Variants in NWD2 observed in about 807,000 individuals in gnomAD.
NWD2 encodes the protein NACHT and WD repeat domain containing 2, also known as NACHT and WD repeat domain-containing protein 2.
Under a neutral mutation model 132.7 loss-of-function variants are expected in NWD2, and 37 were observed. The observed-to-expected ratio is 0.28, with a 90% CI of 0.21 to 0.37. NWD2 has a LOEUF of 0.37. Ranked by LOEUF, NWD2 falls within the 10% of genes least tolerant of loss-of-function variation. The pLI, the probability that NWD2 is intolerant of heterozygous loss-of-function variation, is 1.00. For synonymous variants in NWD2, 705 were observed against 803.0 expected, an observed-to-expected ratio of 0.88 and a Z score of 2.06; for missense variants, 1,592 against 2,122.4, an observed-to-expected ratio of 0.75 and a Z score of 4.91.
intron 3 of NWD2, among the ~76,000 whole-genome samples, chr4:37,411,418 C>T (rs2109319221): frequency 6.6e-6 from 1 of 152,262 alleles, no homozygotes; most frequent in South Asian, 2.1e-4. Context: ...CATATACCCT[C>T]CCAAGTCTAA....
chr4:37,273,445 C>G (rs1315583544), intron 1 of NWD2, among the ~76,000 whole-genome samples: 1 of 151,980 alleles, frequency 6.6e-6, no homozygotes, highest in Non-Finnish European at 1.5e-5. Flanking sequence ...TCCTTAGAGA[C>G]CTACAAAGAG....
At chr4:37,262,255 A>G (rs1042899132) in intron 1 of NWD2, among the ~76,000 whole-genome samples, 8 of 152,202 alleles carry the variant, frequency 5.3e-5, no homozygotes, top group African/African-American at 1.7e-4. Flanking sequence ...GATTTTCACT[A>G]TTCATTTAAG....
chr4:37,290,453 C>T (rs769431669), intron 1 of NWD2, among the ~76,000 whole-genome samples: 15 of 152,170 alleles, frequency 9.9e-5, no homozygotes, highest in East Asian at 5.8e-4. Flanking sequence ...GTAAGTGTGA[C>T]GATATCACAG....
chr4:37,427,876 G>T (rs1402947313), intron 3 of NWD2, among the ~76,000 whole-genome samples: 1 of 152,178 alleles, frequency 6.6e-6, no homozygotes, highest in Non-Finnish European at 1.5e-5. Flanking sequence ...AAGGAATATA[G>T]CTGAATTGAG....
At chr4:37,418,562 A>C (rs2109321854) in intron 3 of NWD2, among the ~76,000 whole-genome samples, 1 of 152,152 alleles carries the variant, frequency 6.6e-6, no homozygotes, top group Middle Eastern at 3.4e-3. Context: ...GTCAACACTC[A>C]TAAACTATGT....
At position 37,446,294 on chromosome 4, in the gene NWD2, C is replaced by T; in HGVS notation, c.4306C>T (p.Leu1436=). The T allele has an allele frequency of 6.4e-7, 1 of 1,551,800 alleles. No homozygotes were observed. Among genetic ancestry groups the T allele is most frequent in the East Asian group, 2.4e-5 (1 of 40,916 alleles). ...CACAGGCCACAGGGTCTGCAACATT[C>T]TGACCACTTTGCAGAATGCCTTTAT... is the stretch of plus-strand genomic sequence containing the variant. The part of the protein sequence containing the change: ...LATGHRVCNI[L]TTLQNAFITS... Residue 1436 remains leucine, a synonymous_variant, in exon 7 of 7, where the codon CTG becomes TTG. Transcript: ENST00000309447. This position sits in a 1 kb window ranked among gnomAD's most constrained non-coding sequence, Gnocchi z 6.7.
In NWD2 at chr4:37,446,379, T is replaced by C. The variant is rs1304643669; in HGVS notation, c.4391T>C (p.Leu1464Pro). Residue 1464 changes from leucine to proline, a missense_variant, in exon 7 of 7, where the codon CTT (leucine) becomes CCT (proline). By Grantham distance (98) the Leu-to-Pro change is moderately conservative. Transcript: ENST00000309447. The surrounding 1 kb of genome is among the most constrained non-coding windows in gnomAD (Gnocchi z 6.7). ...MTKSKVLAVS[L>P]WTGSITKKFC... ...AAAAGCAAAGTGTTGGCAGTCAGTC[T>C]TTGGACAGGAAGTATCACCAAGAAA... 3 of 1,551,720 alleles carry C rather than the reference T, an allele frequency of 1.9e-6. No homozygotes were observed. Among genetic ancestry groups the C allele is most frequent in the Non-Finnish European group, 8.7e-7 (1 of 1,147,042 alleles).
intron 3 of NWD2, among the ~76,000 whole-genome samples, chr4:37,414,120 TAAA>T (rs1027261537): frequency 6.6e-6 from 1 of 150,942 alleles, no homozygotes; most frequent in Non-Finnish European, 1.5e-5. Context: ...TAAAGTATAA[TAAA>T]AAAAAGAAAA....
intron 3 of NWD2, among the ~76,000 whole-genome samples, chr4:37,357,066 TACTC>T (rs1327751597): frequency 6.6e-6 from 1 of 152,192 alleles, no homozygotes; most frequent in Non-Finnish European, 1.5e-5. Context: ...TTCTAAAGAA[TACTC>T]ACTCCTCTGT....
intron 1 of NWD2, among the ~76,000 whole-genome samples, chr4:37,247,055 C>T (rs1717257686): frequency 6.6e-6 from 1 of 152,182 alleles, no homozygotes; most frequent in African/African-American, 2.4e-5. Context: ...GAGGGAGGAG[C>T]CAGTCATGCC....
chr4:37,289,395 A>T (rs573100122), intron 1 of NWD2, among the ~76,000 whole-genome samples: 1 of 152,228 alleles, frequency 6.6e-6, no homozygotes, highest in South Asian at 2.1e-4. Flanking sequence ...GCAACATTTT[A>T]TGATAAAAAC....
chr4:37,294,058 A>AC (rs1159900622), intron 1 of NWD2, among the ~76,000 whole-genome samples: 1 of 152,024 alleles, frequency 6.6e-6, no homozygotes, highest in African/African-American at 2.4e-5. Flanking sequence ...GGAAGTCCCC[A>AC]CCCCCCTACT....
At chr4:37,441,762 G>A (rs1712491669) in intron 6 of NWD2, among the ~76,000 whole-genome samples, 1 of 152,140 alleles carries the variant, frequency 6.6e-6, no homozygotes. Flanking sequence ...TTCTCCTGGG[G>A]AATGTCTGAC....
intron 2 of NWD2, among the ~76,000 whole-genome samples, chr4:37,355,599 A>T (rs1030896003): frequency 6.6e-6 from 1 of 152,232 alleles, no homozygotes; most frequent in Non-Finnish European, 1.5e-5. Flanking sequence ...TACAACTGGG[A>T]ACATTTACTT....
intron 3 of NWD2, among the ~76,000 whole-genome samples, chr4:37,369,821 A>G (rs1720179685): frequency 6.6e-6 from 1 of 152,204 alleles, no homozygotes; most frequent in African/African-American, 2.4e-5. Flanking sequence ...CTGCTTGGAA[A>G]TATGCACAGA....
chr4:37,252,087 C>A (rs1717386479), intron 1 of NWD2, among the ~76,000 whole-genome samples: 1 of 152,130 alleles, frequency 6.6e-6, no homozygotes, highest in South Asian at 2.1e-4. Context: ...GTTTGGCTTT[C>A]CCGATAATGA....
At chr4:37,372,516 T>C (rs1720249108) in intron 3 of NWD2, among the ~76,000 whole-genome samples, 2 of 152,268 alleles carry the variant, frequency 1.3e-5, no homozygotes, top group African/African-American at 4.8e-5. Flanking sequence ...ACTCAGCTTT[T>C]GTTTTCCCTG....
chr4:37,387,830 A>G (rs1216890612), intron 3 of NWD2, among the ~76,000 whole-genome samples: 6 of 151,812 alleles, frequency 4.0e-5, no homozygotes, highest in African/African-American at 1.5e-4. Flanking sequence ...ACCCGCCATC[A>G]TGCCTGGCTA....
intron 5 of NWD2, among the ~76,000 whole-genome samples, chr4:37,434,821 A>G (rs958825935): frequency 4.1e-5 from 6 of 146,500 alleles, no homozygotes; most frequent in Non-Finnish European, 7.5e-5. Flanking sequence ...AGAGGGAGAG[A>G]TGAGGATAGA....
Sources: allele counts gnomAD v4.1 joint callset (sites outside exome capture counted in the v4.1 genomes callset), GRCh38; gene constraint gnomAD v4.1.1; non-coding constraint Gnocchi (gnomAD v3.1); transcripts MANE v1.5; gene names NCBI Gene and HGNC (gene_info 2026-07-23, HGNC 2026-07-21).